The following PIGF variants were observed in gnomAD, a reference collection of about 807,000 sequenced individuals.
PIGF encodes the protein GPI ethanolamine phosphate transferase, stabilizing subunit.
A neutral mutation model predicts 26.0 loss-of-function variants in PIGF; 23 were observed. The ratio of observed to expected loss-of-function variants is 0.88; its 90% confidence interval spans 0.64 to 1.25. The LOEUF is 1.25. Ranked by LOEUF, PIGF falls within the 50% of genes most tolerant of loss-of-function variation. The pLI is 0.00. For missense variants in PIGF, 278 were observed against 249.9 expected, an observed-to-expected ratio of 1.11 and a Z score of -0.76; for synonymous variants, 93 against 92.6, an observed-to-expected ratio of 1.00 and a Z score of -0.03.
chr2:46,612,296 A>T lies in PIGF; in HGVS notation c.369T>A (p.Thr123=). Residue 123 remains threonine, a synonymous_variant, in exon 4 of 6, where the codon ACT becomes ACA. Coordinates refer to ENST00000281382, the MANE Select transcript of PIGF (RefSeq NM_002643.4). ...CTAACAAACATAAGCAAGGCACAGT[A>T]GTAAAAGTAGACAAAATAACTGCAA... ...FLFAVILSTF[T]TVPCLCLLGP... The T allele has an allele frequency of 4.7e-6, 7 of 1,492,024 alleles. No individual in the cohort carries two copies. The highest frequency in any genetic ancestry group is 6.3e-6 in the Non-Finnish European group (7 of 1,113,476). The allele number at this position is 1,492,024 out of a possible 1,614,324, so 92.4% of individuals were successfully genotyped here. A position where few individuals can be genotyped will look rare whatever the true frequency, so the allele number is the denominator to read the frequency against.
At chr2:46,614,543 G>C (rs1670546510) in intron 2 of PIGF, 1 of 159,812 alleles carries the variant, frequency 6.3e-6, no homozygotes, top group African/African-American at 2.4e-5. Context: ...ATTACCACAG[G>C]CTTATATTGC....
chr2:46,614,996 C>G lies in PIGF; in HGVS notation c.169G>C (p.Val57Leu), dbSNP rs763373261. Residue 57 changes from valine (V) to leucine (L), a missense_variant, in exon 2 of 6, where the codon GTA becomes CTA. Coordinates refer to ENST00000281382, the MANE Select transcript of PIGF (RefSeq NM_002643.4). ...TTTGGTTTCACTACTAAATATAGTA[C>G]TAGATTGACAGCAGTTACAAAACCA... Reference protein sequence around the residue: ...CSGFVTAVNLVLYLVVKPNTS... With the variant: ...CSGFVTAVNLLLYLVVKPNTS... 2.9e-5 allele frequency: 46 copies of G among 1,606,614 alleles called. No individual in the cohort carries two copies. The highest frequency in any genetic ancestry group is 3.8e-5 in the Non-Finnish European group (45 of 1,173,306).
intron 4 of PIGF, among the ~76,000 whole-genome samples, chr2:46,600,083 T>C (rs1670009430): frequency 6.6e-6 from 1 of 152,248 alleles, no homozygotes; most frequent in Admixed American, 6.5e-5. Flanking sequence ...GGTGGTTCTA[T>C]AATTGAGACT....
intron 3 of PIGF, among the ~76,000 whole-genome samples, chr2:46,612,690 G>C (rs886070026): frequency 6.6e-6 from 1 of 152,070 alleles, no homozygotes; most frequent in East Asian, 1.9e-4. Context: ...ACAACTAGTG[G>C]TTCAATACAC....
chr2:46,602,774 A>G (rs1312836184), intron 4 of PIGF, among the ~76,000 whole-genome samples: 2 of 151,942 alleles, frequency 1.3e-5, no homozygotes, highest in African/African-American at 4.8e-5. Flanking sequence ...AGTAGGAAAA[A>G]GCATGTACTA....
In PIGF at chr2:46,586,374, G is replaced by A. The variant is rs549610969; in HGVS notation, c.547-4783C>T. On this transcript the variant is annotated intron_variant, in intron 5 of 5. Transcript: ENST00000281382. ...CTACCTTAACCCAGCAGTTAAAGGT[G>A]TAAACTAAGATTAAATTATTTAATT... Among the ~76,000 whole-genome samples the A allele has an allele frequency of 2.0e-4, 31 of 152,262 alleles. No individual in the cohort carries two copies. In the East Asian group the frequency reaches 6.0e-3, roughly 29 times the overall value.
chr2:46,611,667 A>C (rs1670423245), intron 4 of PIGF, among the ~76,000 whole-genome samples: 1 of 152,220 alleles, frequency 6.6e-6, no homozygotes, highest in African/African-American at 2.4e-5. Flanking sequence ...CATATCATTT[A>C]AATGACTTTC....
At chr2:46,591,975 AAATATG>A in intron 5 of PIGF, 1 of 1,301,348 alleles carries the variant, frequency 7.7e-7, no homozygotes, top group Middle Eastern at 2.2e-4. Context: ...CAAGTTCAGA[AAATATG>A]AATATAAGAC....
At chr2:46,610,856 A>G (rs1670391350) in intron 4 of PIGF, among the ~76,000 whole-genome samples, 1 of 152,156 alleles carries the variant, frequency 6.6e-6, no homozygotes, top group South Asian at 2.1e-4. Flanking sequence ...CAAAGGGAAT[A>G]AGTCGGTAAT....
At chr2:46,606,701 T>G (rs60211996) in intron 4 of PIGF, among the ~76,000 whole-genome samples, 25,859 of 152,100 alleles carry the variant, frequency 0.17, 3,586 homozygotes, top group African/African-American at 0.38. Context: ...AGCTTGCTTC[T>G]CAAACCCTTA....
Position 46,614,895 on chromosome 2 carries a change from C to G in PIGF, c.228+42G>C, listed in dbSNP as rs368405516. 121 of 902,188 alleles carry G rather than the reference C, an allele frequency of 1.3e-4. No individual in the cohort carries two copies. In the African/African-American group the frequency reaches 1.5e-3, roughly 11 times the overall value. The allele number at this position is 902,188 out of a possible 1,614,324, so 55.9% of individuals were successfully genotyped here. A position where few individuals can be genotyped will look rare whatever the true frequency, so the allele number is the denominator to read the frequency against. ...CTTTATTCTTCCATTAAAAGAAACA[C>G]TAGCTCCATCCAAAAATCAGTTATT... On this transcript the variant is annotated intron_variant, in intron 2 of 5. Transcript: ENST00000281382.
At chr2:46,608,703 T>C (rs1016816634) in intron 4 of PIGF, among the ~76,000 whole-genome samples, 1 of 152,310 alleles carries the variant, frequency 6.6e-6, no homozygotes, top group East Asian at 1.9e-4. Context: ...ACATTAATAT[T>C]CTTGTACATC....
intron 4 of PIGF, among the ~76,000 whole-genome samples, chr2:46,609,895 G>T (rs1670354917): frequency 1.3e-5 from 2 of 152,158 alleles, no homozygotes; most frequent in South Asian, 2.1e-4. Context: ...TTGAAATATT[G>T]TGAGAGTTTC....
chr2:46,606,071 T>A (rs962149805), intron 4 of PIGF, among the ~76,000 whole-genome samples: 1 of 152,162 alleles, frequency 6.6e-6, no homozygotes, highest in African/African-American at 2.4e-5. Context: ...ATCAGAGAAA[T>A]CTAGCAATTT....
chr2:46,596,106 C>A (rs1248704361), intron 4 of PIGF, among the ~76,000 whole-genome samples: 1 of 151,008 alleles, frequency 6.6e-6, no homozygotes, highest in Admixed American at 6.6e-5. Flanking sequence ...CCCAGCTACT[C>A]GGGAGGCTGA....
In PIGF at chr2:46,615,265, G is replaced by A. The variant is rs2104152472; in HGVS notation, c.-21-80C>T. ...TTAAATGTTTTGACCCCTAAAAATA[G>A]GTCATAAAGTCAATTTTCTATGAGC... is the stretch of plus-strand genomic sequence containing the variant. On this transcript the variant is annotated intron_variant, in intron 1 of 5. Coordinates refer to ENST00000281382, the MANE Select transcript of PIGF (RefSeq NM_002643.4). 4.5e-6 allele frequency: 3 copies of A among 660,506 alleles called. No individual in the cohort carries two copies. The South Asian group carries it at 5.5e-5, about 12-fold the overall frequency. 40.9% of individuals were successfully genotyped at this position (660,506 alleles called of 1,614,324 possible).
intron 4 of PIGF, among the ~76,000 whole-genome samples, chr2:46,598,628 A>G (rs1572775921): frequency 6.8e-6 from 1 of 147,078 alleles, no homozygotes; most frequent in Non-Finnish European, 1.5e-5. Flanking sequence ...AATGCGGCCC[A>G]GAGAAGCCCA....
rs1371557823 is a variant in PIGF, at chr2:46,615,090, G to A, written c.75C>T (p.Phe25=). ...AGTTCTCCAAGAAGAGTGATGGAAT[G>A]AAGACACTTAGGATAATTGAAAATA... ...LCIFSIILSV[F]IPSLFLENFS... is the part of the protein sequence containing the mutation. The change falls in exon 2 of 6, where the codon TTC becomes TTT. Residue 25 remains phenylalanine, a synonymous_variant. Transcript: ENST00000281382. The A allele has an allele frequency of 1.3e-6, 2 of 1,586,244 alleles. No individual in the cohort carries two copies. Among genetic ancestry groups the A allele is most frequent in the East Asian group, 2.2e-5 (1 of 44,704 alleles).
intron 5 of PIGF, among the ~76,000 whole-genome samples, chr2:46,592,095 T>C (rs574531855): frequency 2.1e-3 from 317 of 152,302 alleles, no homozygotes; most frequent in African/African-American, 7.4e-3. Flanking sequence ...CACACACCTG[T>C]AGTCCCAGCC....
Sources: gnomAD v4.1 joint callset for allele counts (sites outside exome capture counted in the v4.1 genomes callset) on GRCh38, gnomAD v4.1.1 for gene constraint, MANE v1.5 for transcripts, NCBI Gene and HGNC (gene_info 2026-07-23, HGNC 2026-07-21) for gene names.